The following TANGO6 variants were observed in gnomAD, a reference collection of about 807,000 sequenced individuals.
TANGO6 encodes transport and Golgi organization protein 6 homolog.
A neutral mutation model predicts 114.2 loss-of-function variants in TANGO6; 90 were observed. The ratio of observed to expected loss-of-function variants is 0.79; its 90% CI spans 0.66 to 0.94. TANGO6 has a LOEUF of 0.94. Ranked by LOEUF, TANGO6 falls within the 40% of genes least tolerant of loss-of-function variation. The pLI, the probability that TANGO6 is intolerant of heterozygous loss-of-function variation, is 0.00. For missense variants in TANGO6, 1,274 were observed against 1,315.3 expected (o/e 0.97, Z 0.49); for synonymous variants, 477 against 509.8 (o/e 0.94, Z 0.87).
chr16:68,887,905 A>G (rs911275856), intron 7 of TANGO6, among the ~76,000 whole-genome samples: 1 of 152,074 alleles, frequency 6.6e-6, no homozygotes, highest in African/African-American at 2.4e-5. Flanking sequence ...ACAACAACAA[A>G]AAAGAGTAAA....
At chr16:69,067,937 CAAAA>C (rs1217551130) in intron 17 of TANGO6, among the ~76,000 whole-genome samples, 1 of 66,564 alleles carries the variant, frequency 1.5e-5, no homozygotes, top group Non-Finnish European at 3.0e-5. Context: ...AACTCTGTCT[CAAAA>C]AAAAAAAAAA....
intron 17 of TANGO6, among the ~76,000 whole-genome samples, chr16:69,079,552 A>G (rs1187927883): frequency 6.6e-6 from 1 of 151,486 alleles, no homozygotes; most frequent in Non-Finnish European, 1.5e-5. Context: ...AATATTTGCA[A>G]CTCATATGAC....
intron 15 of TANGO6, among the ~76,000 whole-genome samples, chr16:68,995,357 A>G (rs1177647876): frequency 6.6e-6 from 1 of 152,208 alleles, no homozygotes; most frequent in Non-Finnish European, 1.5e-5. Flanking sequence ...AGTAGGGGGA[A>G]ATCTATCCAG....
intron 14 of TANGO6, among the ~76,000 whole-genome samples, chr16:68,972,163 T>TTTAGGACCACATGCAGAGGTGCAGGC (rs1249828218): frequency 1.3e-5 from 2 of 151,760 alleles, no homozygotes; most frequent in South Asian, 2.1e-4. Flanking sequence ...GGAGGTGTGG[T>TTTAGGACCACATGCAGAGGTGCAGGC]TTAGGACCAC....
intron 14 of TANGO6, chr16:68,937,514 C>T (rs1015695149): frequency 6.6e-6 from 1 of 152,160 alleles, no homozygotes; most frequent in African/African-American, 2.4e-5. Context: ...ACATTTTTAT[C>T]ATTTCATACC....
intron 4 of TANGO6, among the ~76,000 whole-genome samples, chr16:68,870,824 A>G (rs1247325593): frequency 6.7e-6 from 1 of 150,124 alleles, no homozygotes; most frequent in African/African-American, 2.5e-5. Context: ...TTGAGACGGA[A>G]TTTCGCTCTT....
At chr16:69,048,589 A>G (rs1959899128) in intron 17 of TANGO6, among the ~76,000 whole-genome samples, 1 of 152,044 alleles carries the variant, frequency 6.6e-6, no homozygotes, top group Non-Finnish European at 1.5e-5. Context: ...GCCTCCATGC[A>G]GGAATGATTT....
chr16:69,024,335 C>T (rs911190582), intron 16 of TANGO6, among the ~76,000 whole-genome samples: 1 of 150,566 alleles, frequency 6.6e-6, no homozygotes, highest in Non-Finnish European at 1.5e-5. Context: ...GGCACGATCT[C>T]GGCTTACTGC....
chr16:68,951,645 C>G (rs1963472660), intron 14 of TANGO6, among the ~76,000 whole-genome samples: 1 of 148,146 alleles, frequency 6.8e-6, no homozygotes, highest in African/African-American at 2.5e-5. Flanking sequence ...CAGAGTCTCG[C>G]TCTATCGCCT....
chr16:68,997,609 C>G (rs958324867), intron 15 of TANGO6, among the ~76,000 whole-genome samples: 19 of 152,194 alleles, frequency 1.2e-4, no homozygotes, highest in Non-Finnish European at 4.4e-5. Flanking sequence ...TTTTAGCCGG[C>G]TTCTTTACCA....
intron 2 of TANGO6, 35 bp downstream of exon 2, chr16:68,860,559 T>C (rs1385639438): frequency 1.3e-5 from 20 of 1,597,552 alleles, no homozygotes; most frequent in Non-Finnish European, 1.5e-5. Context: ...AGGGAGAGAT[T>C]GTGTGTGTAT....
intron 14 of TANGO6, among the ~76,000 whole-genome samples, chr16:68,961,874 C>G (rs918852775): frequency 6.6e-6 from 1 of 152,298 alleles, no homozygotes; most frequent in Admixed American, 6.5e-5. Flanking sequence ...TCTTGCAGCT[C>G]TAAGTCACAA....
At chr16:68,990,789 A>G (rs1003809421) in intron 15 of TANGO6, among the ~76,000 whole-genome samples, 1 of 152,192 alleles carries the variant, frequency 6.6e-6, no homozygotes, top group Non-Finnish European at 1.5e-5. Context: ...AAGGATACAT[A>G]TGCTGTGTTA....
At chr16:68,856,363 C>T (rs964497943) in intron 1 of TANGO6, among the ~76,000 whole-genome samples, 2 of 152,162 alleles carry the variant, frequency 1.3e-5, no homozygotes, top group African/African-American at 2.4e-5. Flanking sequence ...GGGTTTTCTC[C>T]TTATACTGTT....
chr16:69,015,126 A>G (rs73562689), intron 15 of TANGO6, among the ~76,000 whole-genome samples: 4,158 of 152,262 alleles, frequency 0.027, 150 homozygotes, highest in African/African-American at 0.08. Context: ...AGAGGGTAGC[A>G]GAGCCCCAAG....
At chr16:69,072,233 G>C (rs1960308291) in intron 17 of TANGO6, among the ~76,000 whole-genome samples, 1 of 151,832 alleles carries the variant, frequency 6.6e-6, no homozygotes, top group African/African-American at 2.4e-5. Flanking sequence ...CAGGAGTCTG[G>C]GTACTTCTTT....
rs1478033247 is a variant in TANGO6, at chr16:68,927,609, T to C, written c.2169T>C (p.Pro723=). 15 of 1,613,880 alleles carry C rather than the reference T, an allele frequency of 9.3e-6. No individual in the cohort carries two copies. The highest frequency in any genetic ancestry group is 1.1e-5 in the Non-Finnish European group (13 of 1,179,886). Residue 723 remains proline, a synonymous_variant, in exon 13 of 18, where the codon CCT becomes CCC. Transcript: ENST00000261778. The stretch of plus-strand genomic sequence containing the variant: ...TTGCTGTTCTGAAGCAGTTGTTGCC[T>C]CTGTTGGAGAAGGTATCCAACACAT... The part of the protein sequence containing the change: ...SDFAVLKQLL[P]LLEKVSNTYP...
chr16:68,896,984 A>G (rs935506844), intron 7 of TANGO6, among the ~76,000 whole-genome samples: 3 of 151,662 alleles, frequency 2.0e-5, no homozygotes, highest in South Asian at 2.1e-4. Context: ...GCTCACTGCA[A>G]CCTCCACCTC....
intron 17 of TANGO6, among the ~76,000 whole-genome samples, chr16:69,056,138 G>A (rs1012989626): frequency 6.6e-6 from 1 of 152,166 alleles, no homozygotes; most frequent in Non-Finnish European, 1.5e-5. Flanking sequence ...ACCTTTGCTA[G>A]TGATGACATA....
Sources: allele counts gnomAD v4.1 joint callset (sites outside exome capture counted in the v4.1 genomes callset), GRCh38; gene constraint gnomAD v4.1.1; transcripts MANE v1.5; gene names NCBI Gene and HGNC (gene_info 2026-07-23, HGNC 2026-07-21).